Variants in SNX7 observed in about 807,000 individuals in gnomAD.
SNX7 encodes sorting nexin-7.
Under a neutral mutation model 48.4 loss-of-function variants are expected in SNX7, and 35 were observed. The observed-to-expected ratio is 0.72, with a 90% CI of 0.55 to 0.96. The LOEUF is 0.96. Ranked by LOEUF, SNX7 falls within the 40% of genes least tolerant of loss-of-function variation. The pLI is 0.00. For missense variants in SNX7, 553 were observed against 548.9 expected (o/e 1.01, Z -0.07); for synonymous variants, 190 against 190.2 (o/e 1.00, Z 0.01).
intron 1 of SNX7, among the ~76,000 whole-genome samples, chr1:98,671,039 A>G (rs1464019373): frequency 6.6e-6 from 1 of 152,234 alleles, no homozygotes; most frequent in Non-Finnish European, 1.5e-5. Flanking sequence ...TTATGTTTGT[A>G]TCCTTGAGGG....
chr1:98,665,749 T>C (rs1339093909), intron 1 of SNX7, among the ~76,000 whole-genome samples: 1 of 151,990 alleles, frequency 6.6e-6, no homozygotes, highest in Non-Finnish European at 1.5e-5. Flanking sequence ...CCACCATGCC[T>C]GGCTAATTTT....
chr1:98,705,022 C>G (rs1651943183), intron 7 of SNX7, among the ~76,000 whole-genome samples: 3 of 152,064 alleles, frequency 2.0e-5, no homozygotes, highest in Non-Finnish European at 4.4e-5. Context: ...TTTACCTTGC[C>G]TATAATCCTG....
chr1:98,696,912 T>C (rs957938686), intron 5 of SNX7, among the ~76,000 whole-genome samples: 1 of 152,108 alleles, frequency 6.6e-6, no homozygotes, highest in East Asian at 1.9e-4. Context: ...AGATGGTACC[T>C]GTTAAGCTCA....
At chr1:98,670,184 A>G (rs774313052) in intron 1 of SNX7, among the ~76,000 whole-genome samples, 7 of 152,200 alleles carry the variant, frequency 4.6e-5, no homozygotes, top group Non-Finnish European at 8.8e-5. Context: ...GTTGAGCCTC[A>G]ATCCTGAACA....
intron 1 of SNX7, among the ~76,000 whole-genome samples, chr1:98,667,874 C>G (rs1229879339): frequency 2.0e-5 from 3 of 150,946 alleles, no homozygotes; most frequent in Non-Finnish European, 4.4e-5. Context: ...ACATCCTGAT[C>G]TTGTCTTAGT....
chr1:98,661,542 G>A (rs1334175750), upstream of SNX7, among the ~76,000 whole-genome samples: 1 of 152,132 alleles, frequency 6.6e-6, no homozygotes, highest in African/African-American at 2.4e-5. Flanking sequence ...CCTCCAGCCC[G>A]CCCCAGGCCA....
chr1:98,716,341 C>T (rs1475677190), intron 7 of SNX7, among the ~76,000 whole-genome samples: 1 of 152,166 alleles, frequency 6.6e-6, no homozygotes, highest in African/African-American at 2.4e-5. Context: ...GCAGGAACTA[C>T]CTCCTCATCT....
intron 8 of SNX7, among the ~76,000 whole-genome samples, 166 bp from the exon 9 acceptor site, chr1:98,759,888 T>C (rs1655027898): frequency 6.6e-6 from 1 of 152,072 alleles, no homozygotes; most frequent in Non-Finnish European, 1.5e-5. Context: ...GTAGCATCCC[T>C]CATTAAGAAT....
intron 7 of SNX7, among the ~76,000 whole-genome samples, chr1:98,715,270 T>A (rs1652526567): frequency 6.6e-6 from 1 of 152,188 alleles, no homozygotes; most frequent in Admixed American, 6.6e-5. Context: ...TTAACTTGTT[T>A]CATATTTCCT....
At chr1:98,749,675 A>G (rs770970445) in intron 8 of SNX7, among the ~76,000 whole-genome samples, 4 of 152,128 alleles carry the variant, frequency 2.6e-5, no homozygotes, top group Non-Finnish European at 5.9e-5. Context: ...ATTTGAAAAT[A>G]TGTAGCTCCT....
At chr1:98,745,761 A>G (rs1242745559) in intron 8 of SNX7, among the ~76,000 whole-genome samples, 1 of 152,080 alleles carries the variant, frequency 6.6e-6, no homozygotes, top group Non-Finnish European at 1.5e-5. Flanking sequence ...GGAAGCCTGA[A>G]TGCATTAAGA....
At chr1:98,700,748 G>A (rs577769964) in intron 6 of SNX7, among the ~76,000 whole-genome samples, 1 of 152,166 alleles carries the variant, frequency 6.6e-6, no homozygotes, top group South Asian at 2.1e-4. Context: ...TCCACCAGGT[G>A]CAAAACTGTA....
intron 4 of SNX7, among the ~76,000 whole-genome samples, chr1:98,694,709 G>A (rs576071866): frequency 3.7e-5 from 5 of 136,626 alleles, no homozygotes; most frequent in East Asian, 2.4e-4. Flanking sequence ...CTGGGTTCAC[G>A]CCATTCTCCT....
chr1:98,709,735 T>G (rs1310359346), intron 7 of SNX7, among the ~76,000 whole-genome samples: 2 of 152,210 alleles, frequency 1.3e-5, no homozygotes, highest in Non-Finnish European at 2.9e-5. Flanking sequence ...TATCTCACTT[T>G]TTACAGTAGT....
intron 8 of SNX7, among the ~76,000 whole-genome samples, chr1:98,745,507 G>A (rs1201936976): frequency 6.6e-6 from 1 of 151,962 alleles, no homozygotes; most frequent in Non-Finnish European, 1.5e-5. Context: ...CTTCAGAAAA[G>A]AGCAGTCTAT....
intron 7 of SNX7, among the ~76,000 whole-genome samples, chr1:98,736,405 C>G (rs1653783408): frequency 6.6e-6 from 1 of 152,142 alleles, no homozygotes; most frequent in African/African-American, 2.4e-5. Flanking sequence ...CCTAGCAGAC[C>G]CAGATCCTGT....
intron 2 of SNX7, among the ~76,000 whole-genome samples, chr1:98,689,195 G>A (rs764288920): frequency 3.9e-5 from 6 of 152,162 alleles, no homozygotes; most frequent in East Asian, 1.9e-4. Flanking sequence ...GAGCCACTGC[G>A]ACATCTTACA....
rs559225805 is a variant in SNX7 at position 98,661,845 on chromosome 1, C to A, written c.114C>A (p.Ser38=). 4 of 1,246,558 alleles carry A rather than the reference C, an allele frequency of 3.2e-6. No individual in the cohort carries two copies. In the African/African-American group the frequency reaches 6.2e-5, roughly 19 times the overall value. 77.2% of individuals were successfully genotyped at this position (1,246,558 alleles called of 1,614,324 possible). A position where few individuals can be genotyped will look rare whatever the true frequency, so the allele number is the denominator to read the frequency against. Residue 38 remains serine, a synonymous_variant, in exon 1 of 9, where the codon TCC becomes TCA. Coordinates refer to ENST00000306121, the MANE Select transcript of SNX7 (RefSeq NM_015976.5). ...CCTTTCCGGGCAGCAGTGGCTCTTC[C>A]GCCCTGCTGCAGGCGGAGGTGCTGG... ...GAPFPGSSGS[S]ALLQAEVLDL...
At chr1:98,726,085 C>A (rs1392539362) in intron 7 of SNX7, among the ~76,000 whole-genome samples, 3 of 152,040 alleles carry the variant, frequency 2.0e-5, no homozygotes, top group African/African-American at 7.2e-5. Context: ...TAAGAAAAAT[C>A]TTCTCATAAT....
Sources: allele counts gnomAD v4.1 joint callset (sites outside exome capture counted in the v4.1 genomes callset), GRCh38; gene constraint gnomAD v4.1.1; transcripts MANE v1.5; gene names NCBI Gene and HGNC (gene_info 2026-07-23, HGNC 2026-07-21).